Variants in RPS6KA2 observed in about 807,000 individuals in gnomAD.
The protein encoded by RPS6KA2 is ribosomal protein S6 kinase alpha-2.
RPS6KA2 carries 42 observed loss-of-function variants against 91.8 expected under a neutral mutation model. The observed-to-expected ratio is 0.46, with a 90% CI of 0.36 to 0.59. The LOEUF (loss-of-function observed/expected upper bound fraction) is 0.59. Among genes scored for constraint, RPS6KA2 ranks in the 20% least tolerant of loss-of-function variants. The pLI, the probability that RPS6KA2 is intolerant of heterozygous loss-of-function variation, is 0.00. For synonymous variants in RPS6KA2, 414 were observed against 393.6 expected (o/e 1.05, Z -0.61); for missense variants, 798 against 978.5 (o/e 0.82, Z 2.46).
At chr6:166,658,095 T>C (rs559836762) in intron 2 of RPS6KA2, among the ~76,000 whole-genome samples, 2 of 152,348 alleles carry the variant, frequency 1.3e-5, no homozygotes, top group African/African-American at 4.8e-5. Context: ...TTGGTCAGGC[T>C]GGTCTTAAAC....
exon 1 of RPS6KA2, chr6:166,862,342 A>G: frequency 6.8e-7 from 1 of 1,462,392 alleles, no homozygotes; most frequent in South Asian, 1.3e-5. Context: ...GGAGGTCGTG[A>G]GCGCGGGGCC....
intron 2 of RPS6KA2, among the ~76,000 whole-genome samples, chr6:166,824,825 CTGTGTG>C (rs57514422): frequency 1.4e-5 from 2 of 144,418 alleles, no homozygotes; most frequent in African/African-American, 5.1e-5. Flanking sequence ...CTGTGTGTGT[CTGTGTG>C]TGTGTGTATG....
intron 3 of RPS6KA2, among the ~76,000 whole-genome samples, chr6:166,524,649 A>G (rs1573746): frequency 0.39 from 59,811 of 152,124 alleles, 11,950 homozygotes; most frequent in East Asian, 0.53. Context: ...CTTTGTGGAG[A>G]AAAGGGCTGA....
At chr6:166,511,618 C>T (rs1269513566) in intron 3 of RPS6KA2, among the ~76,000 whole-genome samples, 1 of 152,088 alleles carries the variant, frequency 6.6e-6, no homozygotes, top group Non-Finnish European at 1.5e-5. Flanking sequence ...TCACACAGCC[C>T]CATGAGCGAT....
At chr6:166,640,199 G>A (rs961098373) in intron 2 of RPS6KA2, among the ~76,000 whole-genome samples, 5 of 148,830 alleles carry the variant, frequency 3.4e-5, no homozygotes, top group African/African-American at 1.3e-4. Flanking sequence ...ATAGCAGGAA[G>A]GATTTCTGTA....
At chr6:166,661,135 C>G (rs573602280) in intron 2 of RPS6KA2, among the ~76,000 whole-genome samples, 1 of 144,796 alleles carries the variant, frequency 6.9e-6, no homozygotes, top group African/African-American at 2.5e-5. Context: ...GGCTCTCGCT[C>G]TGTCGCCCAG....
chr6:166,533,993 C>T lies in RPS6KA2; in HGVS notation c.217-2680G>A, dbSNP rs1025655444. The stretch of plus-strand genomic sequence containing the variant: ...ATCCCAGCACTTTGGGAGGCCGAGG[C>T]GGGCGGATCACGAGGTCAGGAGATT... On this transcript the variant is annotated intron_variant, in intron 2 of 20. Transcript: ENST00000265678. The surrounding 1 kb of genome is among the most constrained non-coding windows in gnomAD (Gnocchi z 4.0). Among the ~76,000 whole-genome samples the T allele has an allele frequency of 2.0e-5, 3 of 152,062 alleles. No homozygotes were observed. Among genetic ancestry groups the T allele is most frequent in the South Asian group, 4.2e-4 (2 of 4,814 alleles).
At chr6:166,428,149 G>A (rs1283045933) in intron 16 of RPS6KA2, among the ~76,000 whole-genome samples, 30 of 152,010 alleles carry the variant, frequency 2.0e-4, no homozygotes, top group East Asian at 7.7e-4. Context: ...AAATAACGCC[G>A]CTTATCTACA....
intron 1 of RPS6KA2, among the ~76,000 whole-genome samples, 178 bp from the exon 2 acceptor site, chr6:166,538,962 G>A (rs746637588): frequency 5.9e-5 from 9 of 151,600 alleles, no homozygotes; most frequent in Non-Finnish European, 1.3e-4. Flanking sequence ...TTAAGACGGA[G>A]TCTCACTCTG....
intron 2 of RPS6KA2, among the ~76,000 whole-genome samples, chr6:166,794,038 A>C (rs1290521344): frequency 7.1e-6 from 1 of 140,338 alleles, no homozygotes; most frequent in Admixed American, 7.5e-5. Flanking sequence ...TCTGCACAGC[A>C]AAAGAAACTA....
intron 6 of RPS6KA2, among the ~76,000 whole-genome samples, chr6:166,501,815 C>G (rs959514680): frequency 4.6e-5 from 7 of 152,096 alleles, no homozygotes; most frequent in African/African-American, 1.7e-4. Flanking sequence ...CTAAAGAGAC[C>G]AGGAAGTGGG....
intron 10 of RPS6KA2, among the ~76,000 whole-genome samples, chr6:166,479,293 T>A (rs1047165139): frequency 2.9e-5 from 4 of 135,952 alleles, no homozygotes; most frequent in African/African-American, 1.4e-4. Context: ...CTGCCCATTA[T>A]CCACTCACAC....
At chr6:166,748,529 C>G (rs1209538409) in intron 2 of RPS6KA2, among the ~76,000 whole-genome samples, 1 of 150,044 alleles carries the variant, frequency 6.7e-6, no homozygotes, top group Non-Finnish European at 1.5e-5. Flanking sequence ...GGCCCCACCT[C>G]CTCGGGCCCC....
Position 166,733,486 on chromosome 6 carries a change from C to T in RPS6KA2, c.123+124714G>A, listed in dbSNP as rs554851511. Among the ~76,000 whole-genome samples, 2 of 152,336 alleles carry T rather than the reference C, an allele frequency of 1.3e-5. No individual in the cohort carries two copies. The highest frequency in any genetic ancestry group is 2.1e-4 in the South Asian group (1 of 4,822). ...ACCCTTACAGTACGAGTTTTGGGTA[C>T]TAACCCCATGGCTGACCTTTCTGAT... is the stretch of plus-strand genomic sequence containing the variant. On this transcript the variant is annotated intron_variant, in intron 2 of 21. Transcript: ENST00000503859. This position sits in a 1 kb window ranked among gnomAD's most constrained non-coding sequence, Gnocchi z 4.1.
chr6:166,702,296 C>G, intron 2 of RPS6KA2: 1 of 1,613,462 alleles, frequency 6.2e-7, no homozygotes, highest in Non-Finnish European at 8.5e-7. Context: ...CCTTGAGGAG[C>G]CCCTCTGCCC....
chr6:166,689,844 G>A (rs373492594), intron 2 of RPS6KA2, among the ~76,000 whole-genome samples: 176 of 152,274 alleles, frequency 1.2e-3, no homozygotes, highest in African/African-American at 3.9e-3. Flanking sequence ...TGCACACACC[G>A]AGGACACCAG....
chr6:166,560,628 A>G (rs1784315305), intron 1 of RPS6KA2, among the ~76,000 whole-genome samples: 1 of 152,156 alleles, frequency 6.6e-6, no homozygotes. Context: ...CACAGCAGAA[A>G]AAAGAGAAAT....
chr6:166,628,272 C>T (rs1178237507), upstream of RPS6KA2, among the ~76,000 whole-genome samples: 2 of 152,176 alleles, frequency 1.3e-5, no homozygotes, highest in Non-Finnish European at 2.9e-5. Context: ...TGCGGGCTCA[C>T]GACCCCGTGC....
intron 10 of RPS6KA2, among the ~76,000 whole-genome samples, chr6:166,476,037 G>A (rs774521330): frequency 2.0e-5 from 3 of 152,096 alleles, no homozygotes; most frequent in Non-Finnish European, 4.4e-5. Context: ...TGTGCAAAAG[G>A]GGTCACTGCA....
Sources: gnomAD v4.1 joint callset for allele counts (sites outside exome capture counted in the v4.1 genomes callset) on GRCh38, gnomAD v4.1.1 for gene constraint, Gnocchi (gnomAD v3.1) non-coding constraint, MANE v1.5 for transcripts, NCBI Gene and HGNC (gene_info 2026-07-23, HGNC 2026-07-21) for gene names.